Variants in PCDHA7 observed in about 807,000 individuals in gnomAD.
PCDHA7 encodes the protein protocadherin alpha 7.
Under a neutral mutation model 57.2 loss-of-function variants are expected in PCDHA7, and 37 were observed. That is an observed-to-expected ratio of 0.65 (90% CI 0.50 to 0.85). The LOEUF is 0.85. Among genes scored for constraint, PCDHA7 ranks in the 40% least tolerant of loss-of-function variants. PCDHA7 has a pLI of 0.00. For synonymous variants in PCDHA7, 553 were observed against 558.8 expected (o/e 0.99, Z 0.15); for missense variants, 1,188 against 1,241.8 (o/e 0.96, Z 0.65).
chr5:140,969,823 T>C (rs782195981), intron 1 of PCDHA7, among the ~76,000 whole-genome samples: 3 of 152,248 alleles, frequency 2.0e-5, no homozygotes, highest in Non-Finnish European at 4.4e-5. Context: ...CTCTGGACTG[T>C]CTACAGTGGA....
At chr5:140,848,733 C>A (rs1554142396) in intron 1 of PCDHA7, 2 of 1,592,812 alleles carry the variant, frequency 1.3e-6, no homozygotes, top group South Asian at 2.2e-5. Flanking sequence ...GGTAAATCTG[C>A]AGAATGGCAT....
At chr5:140,860,165 GT>G (rs1478173649) in intron 1 of PCDHA7, 2 of 147,750 alleles carry the variant, frequency 1.4e-5, no homozygotes, top group Non-Finnish European at 3.0e-5. Flanking sequence ...ATATATATAT[GT>G]ATATATATAT....
chr5:140,947,103 G>A (rs1355984234), intron 1 of PCDHA7, among the ~76,000 whole-genome samples: 1 of 151,176 alleles, frequency 6.6e-6, no homozygotes, highest in Admixed American at 6.6e-5. Flanking sequence ...CCATAAATAG[G>A]TACGTGTCAA....
intron 1 of PCDHA7, among the ~76,000 whole-genome samples, chr5:140,916,824 T>C (rs1207821220): frequency 6.6e-6 from 1 of 152,124 alleles, no homozygotes; most frequent in Non-Finnish European, 1.5e-5. Context: ...GCCACCCCTA[T>C]CCCTCTGGTT....
intron 1 of PCDHA7, chr5:140,843,152 CT>C (rs2150353947): frequency 6.3e-6 from 10 of 1,596,024 alleles, no homozygotes; most frequent in Non-Finnish European, 6.9e-6. Flanking sequence ...TTCGTATGAG[CT>C]GCAGCCAGCT....
chr5:140,954,411 G>A (rs246022), intron 1 of PCDHA7, among the ~76,000 whole-genome samples: 85,294 of 151,642 alleles, frequency 0.56, 24,563 homozygotes, highest in African/African-American at 0.69. Flanking sequence ...ACAGGGTAAA[G>A]GTGTTCCTTT....
chr5:140,948,937 T>C (rs1309849094), intron 1 of PCDHA7, among the ~76,000 whole-genome samples: 1 of 134,978 alleles, frequency 7.4e-6, no homozygotes, highest in African/African-American at 2.6e-5. Context: ...ACATTTCTTC[T>C]AATATAAAAA....
At chr5:140,860,772 C>G (rs1554153719) in intron 1 of PCDHA7, 1 of 152,248 alleles carries the variant, frequency 6.6e-6, no homozygotes, top group African/African-American at 2.4e-5. Context: ...GAGTCTCGCT[C>G]TGTTGCCCAG....
chr5:140,842,285 G>A lies in PCDHA7; in HGVS notation c.2355+5547G>A, dbSNP rs1777851856. 1.9e-6 allele frequency: 3 copies of A among 1,610,382 alleles called. No homozygotes were observed. The highest frequency in any genetic ancestry group is 2.5e-6 in the Non-Finnish European group (3 of 1,176,908). On this transcript the variant is annotated intron_variant, in intron 1 of 3. Transcript: ENST00000525929. ...AAACTTATACAAAATCCTCATTGAC[G>A]CCACGGACAAAGGCCATCCTCCCAT...
At chr5:140,892,504 G>A (rs2063551551) in intron 1 of PCDHA7, among the ~76,000 whole-genome samples, 1 of 152,176 alleles carries the variant, frequency 6.6e-6, no homozygotes, top group Non-Finnish European at 1.5e-5. Context: ...TGTTTAAGAA[G>A]TTCCACCATG....
At chr5:140,874,008 T>C (rs2054633118) in intron 1 of PCDHA7, among the ~76,000 whole-genome samples, 5 of 152,208 alleles carry the variant, frequency 3.3e-5, no homozygotes. Context: ...CATTGACCAC[T>C]TTTGAAAATG....
intron 1 of PCDHA7, chr5:140,861,477 A>AT (rs2046941356): frequency 1.6e-5 from 8 of 493,206 alleles, no homozygotes; most frequent in South Asian, 1.2e-4. Context: ...GCAGAATGGC[A>AT]TTTTTGTGAG....
At chr5:140,971,843 G>A (rs1250084892) in intron 1 of PCDHA7, among the ~76,000 whole-genome samples, 2 of 151,906 alleles carry the variant, frequency 1.3e-5, no homozygotes, top group African/African-American at 4.8e-5. Flanking sequence ...TGCAAGTCAT[G>A]CGTTAAATAT....
intron 1 of PCDHA7, chr5:140,868,179 A>G (rs1220525883): frequency 1.3e-5 from 2 of 152,152 alleles, no homozygotes; most frequent in African/African-American, 2.4e-5. Context: ...GATATCTCAT[A>G]TTATGCTACT....
chr5:140,867,042 G>T lies in PCDHA7; in HGVS notation c.2355+30304G>T, dbSNP rs782113838. Reference sequence around the variant, plus strand: ...ATATCAAACTCTTTTATGACTTGGCGTTTGTTCAGTACTACTTTATATATT... The same window carrying T: ...ATATCAAACTCTTTTATGACTTGGCTTTTGTTCAGTACTACTTTATATATT... On this transcript the variant is annotated intron_variant, in intron 1 of 3. Transcript: ENST00000525929. The T allele has an allele frequency of 4.6e-5, 7 of 152,202 alleles. 1 individual carries two copies. Among genetic ancestry groups the T allele is most frequent in the African/African-American group, 1.7e-4 (7 of 41,564 alleles). 9.4% of individuals were successfully genotyped at this position (152,202 alleles called of 1,614,324 possible). A position where few individuals can be genotyped will look rare whatever the true frequency, so the allele number is the denominator to read the frequency against.
At chr5:140,932,124 A>G (rs2088056676) in intron 1 of PCDHA7, among the ~76,000 whole-genome samples, 1 of 151,956 alleles carries the variant, frequency 6.6e-6, no homozygotes, top group Admixed American at 6.5e-5. Flanking sequence ...GATAATATTT[A>G]AGATATAAAC....
intron 1 of PCDHA7, among the ~76,000 whole-genome samples, chr5:140,879,982 T>A (rs1554171120): frequency 1.3e-5 from 2 of 152,226 alleles, no homozygotes; most frequent in Non-Finnish European, 2.9e-5. Context: ...CCTTTCAAGA[T>A]CCTTAACTTA....
chr5:140,856,672 G>A (rs1356609367), intron 1 of PCDHA7: 2 of 1,597,818 alleles, frequency 1.3e-6, no homozygotes, highest in East Asian at 4.5e-5. Flanking sequence ...CTCAGCTAAA[G>A]TTGTTGTTGA....
chr5:140,850,776 G>A (rs2150497794), intron 1 of PCDHA7: 1 of 1,598,166 alleles, frequency 6.3e-7, no homozygotes, highest in South Asian at 1.1e-5. Context: ...GGTGTGCTCT[G>A]GCGAGGGTAA....
Sources: allele counts gnomAD v4.1 joint callset (sites outside exome capture counted in the v4.1 genomes callset), GRCh38; gene constraint gnomAD v4.1.1; transcripts MANE v1.5; gene names NCBI Gene and HGNC (gene_info 2026-07-23, HGNC 2026-07-21).